Variants in RCOR1 observed in about 807,000 individuals in gnomAD.
The protein encoded by RCOR1 is REST corepressor.
RCOR1 carries 12 observed loss-of-function variants against 64.0 expected under a neutral mutation model. That is an observed-to-expected ratio of 0.19 (90% CI 0.12 to 0.30). The LOEUF is 0.30. Ranked by LOEUF, RCOR1 falls within the 10% of genes least tolerant of loss-of-function variation. The pLI, the probability that RCOR1 is intolerant of heterozygous loss-of-function variation, is 1.00. For synonymous variants in RCOR1, 279 were observed against 227.2 expected (o/e 1.23, Z -2.05); for missense variants, 502 against 621.2 (o/e 0.81, Z 2.04).
At chr14:102,641,961 T>C (rs1894379096) in intron 2 of RCOR1, among the ~76,000 whole-genome samples, 6 of 152,168 alleles carry the variant, frequency 3.9e-5, no homozygotes, top group Admixed American at 3.9e-4. Flanking sequence ...CAGCACTGAA[T>C]CTGCATGTAT....
rs1033287422 is a variant in RCOR1, at chr14:102,646,992, A to T, written c.362-34903A>T. Among the ~76,000 whole-genome samples, 4 of 152,372 alleles carry T rather than the reference A, an allele frequency of 2.6e-5. No individual in the cohort carries two copies. In the South Asian group the frequency reaches 8.3e-4, roughly 32 times the overall value. On this transcript the variant is annotated intron_variant, in intron 2 of 11. Transcript: ENST00000262241. Reference sequence around the variant, plus strand: ...TTAATGGATTGGTTCAGGAGCTCCAACATCTGCACTGTTAGATGTTCTAGA... The same window carrying T: ...TTAATGGATTGGTTCAGGAGCTCCATCATCTGCACTGTTAGATGTTCTAGA...
intron 2 of RCOR1, among the ~76,000 whole-genome samples, chr14:102,609,502 C>T (rs879848713): frequency 3.3e-5 from 5 of 151,454 alleles, no homozygotes; most frequent in Non-Finnish European, 4.4e-5. Context: ...TGCATTGGTG[C>T]GATCTCGGCT....
At chr14:102,695,972 TA>T (rs1160246715) in intron 3 of RCOR1, among the ~76,000 whole-genome samples, 1 of 151,930 alleles carries the variant, frequency 6.6e-6, no homozygotes, top group African/African-American at 2.4e-5. Context: ...CAGAGAAGAT[TA>T]AAAAAAAGAT....
intron 2 of RCOR1, among the ~76,000 whole-genome samples, chr14:102,677,355 C>T (rs1479849530): frequency 7.0e-6 from 1 of 143,186 alleles, no homozygotes; most frequent in Non-Finnish European, 1.5e-5. Context: ...CCCCCACCTC[C>T]CTCCCGGACG....
At chr14:102,691,588 G>A (rs1895533894) in intron 3 of RCOR1, among the ~76,000 whole-genome samples, 1 of 152,208 alleles carries the variant, frequency 6.6e-6, no homozygotes, top group Non-Finnish European at 1.5e-5. Flanking sequence ...TGAAACTTGT[G>A]ATTAAAATGA....
intron 3 of RCOR1, among the ~76,000 whole-genome samples, chr14:102,694,884 TGA>T (rs1247728245): frequency 6.6e-6 from 1 of 152,266 alleles, no homozygotes. Context: ...AGTTGAGTGA[TGA>T]GAGAGAAATT....
Position 102,714,433 on chromosome 14 carries a change from C to T in RCOR1, c.869C>T (p.Thr290Ile). 6.2e-7 allele frequency: 1 copy of T among 1,607,022 alleles called. No individual in the cohort carries two copies. The stretch of plus-strand genomic sequence containing the variant: ...GTGTATATCATGCAGGTTCCCCCTA[C>T]TGAGACAGTTCCTCAGGTCAAAAAA... The part of the protein sequence containing the change: ...NKESKKEVPP[T>I]ETVPQVKKEK... Residue 290 changes from threonine (T) to isoleucine (I), a missense_variant, in exon 8 of 12, where the codon ACT becomes ATT. Coordinates refer to ENST00000262241, the MANE Select transcript of RCOR1 (RefSeq NM_015156.4).
chr14:102,667,604 C>T (rs1298345569), intron 2 of RCOR1, among the ~76,000 whole-genome samples: 1 of 152,094 alleles, frequency 6.6e-6, no homozygotes, highest in Non-Finnish European at 1.5e-5. Context: ...CGAATTTAGC[C>T]TGCAACCTTT....
intron 2 of RCOR1, among the ~76,000 whole-genome samples, chr14:102,603,065 A>AT (rs1354378964): frequency 2.0e-5 from 3 of 150,946 alleles, no homozygotes; most frequent in Admixed American, 6.6e-5. Context: ...TTAATTTTTA[A>AT]TTTTTTTAAG....
In RCOR1 at chr14:102,722,227, C is replaced by T. The variant is rs199797034; in HGVS notation, c.1230C>T (p.Asp410=). The T allele has an allele frequency of 1.4e-5, 22 of 1,613,936 alleles. No homozygotes were observed. Among genetic ancestry groups the T allele is most frequent in the Admixed American group, 1.7e-5 (1 of 59,992 alleles). The part of the protein sequence containing the change: ...KYGRDFQAIS[D]VIGNKSVVQV... Reference sequence around the variant, plus strand: ...GCCGAGATTTTCAGGCAATCTCAGACGTGATTGGGAACAAATCAGTGGTAC... The same window carrying T: ...GCCGAGATTTTCAGGCAATCTCAGATGTGATTGGGAACAAATCAGTGGTAC... Residue 410 remains aspartate (D), a synonymous_variant, in exon 11 of 12, where the codon GAC becomes GAT. Coordinates refer to ENST00000262241, the MANE Select transcript of RCOR1 (RefSeq NM_015156.4).
chr14:102,656,418 G>A (rs965616784), intron 2 of RCOR1, among the ~76,000 whole-genome samples: 1 of 151,432 alleles, frequency 6.6e-6, no homozygotes, highest in African/African-American at 2.4e-5. Flanking sequence ...GATTATAGGT[G>A]TGAGCCACGG....
intron 2 of RCOR1, among the ~76,000 whole-genome samples, chr14:102,610,945 G>A (rs2139889457): frequency 6.7e-6 from 1 of 150,012 alleles, no homozygotes; most frequent in East Asian, 2.0e-4. Flanking sequence ...GCTGAGAAAT[G>A]TATGATGGCT....
In RCOR1 at chr14:102,643,970, G is replaced by A. The variant is rs1894426579; in HGVS notation, c.362-37925G>A. ...TTATTACCGCCTAACAACTGTTGCT[G>A]TTACTATTGTCTTTAAACAACAACA... On this transcript the variant is annotated intron_variant, in intron 2 of 11. Coordinates refer to ENST00000262241, the MANE Select transcript of RCOR1 (RefSeq NM_015156.4). 2.0e-5 allele frequency among the ~76,000 whole-genome samples: 3 copies of A among 152,206 alleles called. No homozygotes were observed. In the South Asian group the frequency reaches 6.2e-4, roughly 31 times the overall value.
intron 2 of RCOR1, among the ~76,000 whole-genome samples, chr14:102,669,727 C>T (rs1373570779): frequency 6.6e-6 from 1 of 152,182 alleles, no homozygotes; most frequent in Non-Finnish European, 1.5e-5. Context: ...GTACACAGTG[C>T]CTAGCACATA....
chr14:102,626,018 A>C (rs1223379874), intron 2 of RCOR1, among the ~76,000 whole-genome samples: 1 of 152,130 alleles, frequency 6.6e-6, no homozygotes, highest in African/African-American at 2.4e-5. Context: ...CCTGAAATTC[A>C]TACCCTTTTA....
intron 2 of RCOR1, among the ~76,000 whole-genome samples, chr14:102,676,348 C>A (rs1895153594): frequency 1.4e-5 from 2 of 143,888 alleles, no homozygotes; most frequent in African/African-American, 5.3e-5. Context: ...GGCTGACCCC[C>A]CCACCACCCT....
At chr14:102,713,368 C>G (rs1472692892) in intron 7 of RCOR1, among the ~76,000 whole-genome samples, 2 of 151,298 alleles carry the variant, frequency 1.3e-5, no homozygotes, top group East Asian at 3.9e-4. Context: ...ATGCCATTCT[C>G]CTGCCTCAGC....
intron 2 of RCOR1, among the ~76,000 whole-genome samples, chr14:102,659,933 C>G (rs1014813432): frequency 6.6e-6 from 1 of 152,070 alleles, no homozygotes; most frequent in African/African-American, 2.4e-5. Context: ...TTTTTCTGTT[C>G]TTTTTACTCC....
At chr14:102,685,441 AT>A (rs1404267334) in intron 3 of RCOR1, among the ~76,000 whole-genome samples, 7 of 150,994 alleles carry the variant, frequency 4.6e-5, no homozygotes, top group Non-Finnish European at 8.8e-5. Context: ...AAAAAACCTG[AT>A]CCGTAGAATG....
Sources: allele counts gnomAD v4.1 joint callset (sites outside exome capture counted in the v4.1 genomes callset), GRCh38; gene constraint gnomAD v4.1.1; transcripts MANE v1.5; gene names NCBI Gene and HGNC (gene_info 2026-07-23, HGNC 2026-07-21).